Variants in NECTIN1 observed in about 807,000 individuals in gnomAD.
NECTIN1 encodes the protein nectin cell adhesion molecule 1, also known as nectin-1.
In NECTIN1, 23 loss-of-function variants were observed where a neutral mutation model predicts 48.0. That is an observed-to-expected ratio of 0.48 (90% confidence interval 0.34 to 0.68). The LOEUF (loss-of-function observed/expected upper bound fraction) is 0.68, where lower values mean the gene tolerates loss of function less well. Ranked by LOEUF, NECTIN1 falls within the 30% of genes least tolerant of loss-of-function variation. The probability of loss-of-function intolerance (pLI) is 0.01; values close to 1 mark genes in which losing one functional copy is unlikely to be tolerated. For missense variants in NECTIN1, 591 were observed against 709.9 expected, an observed-to-expected ratio of 0.83 and a Z score of 1.90; for synonymous variants, 270 against 288.9, an observed-to-expected ratio of 0.93 and a Z score of 0.66.
rs114188996 is a variant in NECTIN1, at chr11:119,695,205, C to T, written c.80-16440G>A. Among the ~76,000 whole-genome samples, 584 of 152,176 alleles carry T rather than the reference C, an allele frequency of 3.8e-3. 8 individuals are homozygous for T. Among genetic ancestry groups the T allele is most frequent in the African/African-American group, 0.013 (537 of 41,516 alleles). On this transcript the variant is annotated intron_variant, in intron 1 of 5. Coordinates refer to ENST00000264025, the MANE Select transcript of NECTIN1 (RefSeq NM_002855.5). Reference sequence around the variant, plus strand: ...AATCAGATCTTGTTACACAAGTCCCCGGTCGCTCTCCACTGCCTTGGGGTA... The same window carrying T: ...AATCAGATCTTGTTACACAAGTCCCTGGTCGCTCTCCACTGCCTTGGGGTA...
chr11:119,720,237 T>A lies in NECTIN1; in HGVS notation c.79+8238A>T, dbSNP rs559658190. ...CCTCCACTGCCCTTGTCCTAGCACC[T>A]GACAGCATTTGTCCACAAGACGCGG... On this transcript the variant is annotated intron_variant, in intron 1 of 5. Coordinates refer to ENST00000264025, the MANE Select transcript of NECTIN1 (RefSeq NM_002855.5). 4.2e-4 allele frequency among the ~76,000 whole-genome samples: 64 copies of A among 152,390 alleles called. No homozygotes were observed. In the South Asian group the frequency reaches 0.013, roughly 32 times the overall value.
chr11:119,646,538 T>C (rs1864398578), intron 5 of NECTIN1, among the ~76,000 whole-genome samples: 1 of 151,968 alleles, frequency 6.6e-6, no homozygotes, highest in African/African-American at 2.4e-5. Flanking sequence ...CAATTATAGG[T>C]TTCATGTGCT....
Position 119,709,448 on chromosome 11 carries a change from C to A in NECTIN1, c.79+19027G>T, listed in dbSNP as rs1279467179. On this transcript the variant is annotated intron_variant, in intron 1 of 5. Transcript: ENST00000264025. This position sits in a 1 kb window ranked among gnomAD's most constrained non-coding sequence, Gnocchi z 4.1. ...GGCAGGGGCGCAGAGGAAGCCGAGA[C>A]TACCCTCTAAAGAGTCCTTTCTGTG... Among the ~76,000 whole-genome samples, 1 of 152,166 alleles carries A rather than the reference C, an allele frequency of 6.6e-6. No homozygotes were observed. Among genetic ancestry groups the A allele is most frequent in the Non-Finnish European group, 1.5e-5 (1 of 68,020 alleles).
chr11:119,693,373 G>C lies in NECTIN1; in HGVS notation c.80-14608C>G, dbSNP rs192985999. The stretch of plus-strand genomic sequence containing the variant: ...ACTAAAGGGTGAATGACAGCTGCAC[G>C]CATCAAGCACCTGTGATGTCATCCA... On this transcript the variant is annotated intron_variant, in intron 1 of 5. Coordinates refer to ENST00000264025, the MANE Select transcript of NECTIN1 (RefSeq NM_002855.5). 1.6e-4 allele frequency among the ~76,000 whole-genome samples: 25 copies of C among 152,318 alleles called. No individual in the cohort carries two copies. The East Asian group carries it at 4.4e-3, about 27-fold the overall frequency.
chr11:119,700,683 C>T (rs890643524), intron 1 of NECTIN1, among the ~76,000 whole-genome samples: 3 of 152,150 alleles, frequency 2.0e-5, no homozygotes, highest in Non-Finnish European at 2.9e-5. Flanking sequence ...CGCAGCATGG[C>T]GGGATATGAA....
chr11:119,693,873 C>T (rs1865303347), intron 1 of NECTIN1, among the ~76,000 whole-genome samples: 2 of 152,162 alleles, frequency 1.3e-5, no homozygotes, highest in Non-Finnish European at 1.5e-5. Context: ...GGTGGGTTTT[C>T]TTTTTCTCTC....
chr11:119,656,334 A>T (rs1007562401), downstream of NECTIN1: 1 of 152,256 alleles, frequency 6.6e-6, no homozygotes. Context: ...CAGCACATGT[A>T]CTAAAATTGC....
intron 1 of NECTIN1, among the ~76,000 whole-genome samples, chr11:119,692,694 T>A (rs773352403): frequency 1.3e-5 from 2 of 152,220 alleles, no homozygotes; most frequent in Non-Finnish European, 2.9e-5. Flanking sequence ...ACTTAATCCT[T>A]ACAACACTCC....
At chr11:119,692,221 G>A (rs1334530768) in intron 1 of NECTIN1, among the ~76,000 whole-genome samples, 2 of 152,224 alleles carry the variant, frequency 1.3e-5, no homozygotes, top group African/African-American at 2.4e-5. Flanking sequence ...AGGGGTTGGC[G>A]TGCCAGGGCC....
rs559112306 is a variant in NECTIN1 at position 119,663,653 on chromosome 11, G to A, written c.*1094C>T. On this transcript the variant is annotated 3_prime_UTR_variant, in exon 6 of 6. Coordinates refer to ENST00000264025, the MANE Select transcript of NECTIN1 (RefSeq NM_002855.5). ...TGCTTCTTTACCTCTGACTCCTGCA[G>A]GTGGATCCCCCTGGGATCCCAGCCC... The A allele has an allele frequency of 1.0e-6, 1 of 985,472 alleles. No homozygotes were observed. Among genetic ancestry groups the A allele is most frequent in the South Asian group, 4.7e-5 (1 of 21,292 alleles). 61.0% of individuals were successfully genotyped at this position (985,472 alleles called of 1,614,324 possible).
chr11:119,677,025 G>A lies in NECTIN1; in HGVS notation c.851+77C>T. On this transcript the variant is annotated intron_variant, in intron 4 of 5. Coordinates refer to ENST00000264025, the MANE Select transcript of NECTIN1 (RefSeq NM_002855.5). This position sits in a 1 kb window ranked among gnomAD's most constrained non-coding sequence, Gnocchi z 5.4. ...CTTCCCTGCCTAAAGGCTCCTGGAG[G>A]TAGGATGGTTGCCCCTCATCACCCG... 2 of 1,262,814 alleles carry A rather than the reference G, an allele frequency of 1.6e-6. No individual in the cohort carries two copies. Among genetic ancestry groups the A allele is most frequent in the South Asian group, 2.4e-5 (2 of 84,202 alleles). 78.2% of individuals were successfully genotyped at this position (1,262,814 alleles called of 1,614,324 possible). A position where few individuals can be genotyped will look rare whatever the true frequency, so the allele number is the denominator to read the frequency against.
At chr11:119,655,908 T>C (rs992117475) in intron 5 of NECTIN1, among the ~76,000 whole-genome samples, 1 of 152,142 alleles carries the variant, frequency 6.6e-6, no homozygotes, top group African/African-American at 2.4e-5. Flanking sequence ...TTGATTTATT[T>C]ATTTTAAGAC....
At chr11:119,713,925 G>T (rs1283218840) in intron 1 of NECTIN1, 1 of 453,870 alleles carries the variant, frequency 2.2e-6, no homozygotes, top group African/African-American at 2.0e-5. Context: ...CAAGCCTGGG[G>T]ACTTGGGGAG....
At chr11:119,675,138 G>A in intron 5 of NECTIN1, 21 bp downstream of exon 5, 1 of 1,613,956 alleles carries the variant, frequency 6.2e-7, no homozygotes, top group Non-Finnish European at 8.5e-7. Context: ...CGGAGAGGCT[G>A]GGGAGGATGC....
At position 119,684,652 on chromosome 11, in the gene NECTIN1, T is replaced by G. The variant is rs1410318082; in HGVS notation, c.80-5887A>C. Among the ~76,000 whole-genome samples, 1 of 152,054 alleles carries G rather than the reference T, an allele frequency of 6.6e-6. No homozygotes were observed. The highest frequency in any genetic ancestry group is 1.5e-5 in the Non-Finnish European group (1 of 67,984). Reference sequence around the variant, plus strand: ...AGTGACCTAAAGGTTATAGGCCCCCTCCTCCCAGTGCAGCCGCTTCCCTGA... The same window carrying G: ...AGTGACCTAAAGGTTATAGGCCCCCGCCTCCCAGTGCAGCCGCTTCCCTGA... On this transcript the variant is annotated intron_variant, in intron 1 of 5. Transcript: ENST00000264025. This position sits in a 1 kb window ranked among gnomAD's most constrained non-coding sequence, Gnocchi z 5.2.
At chr11:119,679,016 G>C (rs777003803) in intron 1 of NECTIN1, among the ~76,000 whole-genome samples, 1 of 152,156 alleles carries the variant, frequency 6.6e-6, no homozygotes, top group Non-Finnish European at 1.5e-5. Context: ...CTTTATATCT[G>C]TGTATATCCA....
intron 1 of NECTIN1, among the ~76,000 whole-genome samples, chr11:119,688,232 T>G (rs1399027407): frequency 6.6e-6 from 1 of 152,208 alleles, no homozygotes; most frequent in Non-Finnish European, 1.5e-5. Context: ...AATTCAGTTT[T>G]GCTCTTGGCG....
chr11:119,701,041 C>G (rs76371423), intron 1 of NECTIN1, among the ~76,000 whole-genome samples: 2 of 152,010 alleles, frequency 1.3e-5, no homozygotes, highest in Non-Finnish European at 2.9e-5. Flanking sequence ...TGTGGGGGTA[C>G]GGGTGTGTGC....
At chr11:119,719,603 C>T (rs1443045940) in intron 1 of NECTIN1, among the ~76,000 whole-genome samples, 1 of 152,214 alleles carries the variant, frequency 6.6e-6, no homozygotes, top group Non-Finnish European at 1.5e-5. Flanking sequence ...ACAACAGTGC[C>T]TGGCATCCAG....
Sources: allele counts gnomAD v4.1 joint callset (sites outside exome capture counted in the v4.1 genomes callset), GRCh38; gene constraint gnomAD v4.1.1; non-coding constraint Gnocchi (gnomAD v3.1); transcripts MANE v1.5; gene names NCBI Gene and HGNC (gene_info 2026-07-23, HGNC 2026-07-21).